SDAD1: variants seen among roughly 807,000 people sequenced by gnomAD.
The protein encoded by SDAD1 is SDA1 domain containing 1.
Under a neutral mutation model 100.3 loss-of-function variants are expected in SDAD1, and 79 were observed. The ratio of observed to expected loss-of-function variants is 0.79; its 90% CI spans 0.66 to 0.95. The LOEUF (loss-of-function observed/expected upper bound fraction) is 0.95. Among genes scored for constraint, SDAD1 ranks in the 40% least tolerant of loss-of-function variants. The pLI, the probability that SDAD1 is intolerant of heterozygous loss-of-function variation, is 0.00. For missense variants in SDAD1, 790 were observed against 810.9 expected (o/e 0.97, Z 0.31); for synonymous variants, 267 against 271.4 (o/e 0.98, Z 0.16).
At position 75,970,386 on chromosome 4, in the gene SDAD1, G is replaced by A. The variant is rs1158580193; in HGVS notation, c.814-8C>T. On this transcript the variant is annotated splice_polypyrimidine_tract_variant and splice_region_variant and intron_variant, in intron 9 of 21. Transcript: ENST00000356260. ...TTTCTTCTTTTTTTGTTTCTGAAAG[G>A]GAGAGGAAAAACATTTTCAGTCTGA... 2.5e-6 allele frequency: 4 copies of A among 1,608,238 alleles called. No individual in the cohort carries two copies. The highest frequency in any genetic ancestry group is 3.4e-6 in the Non-Finnish European group (4 of 1,175,024).
chr4:75,979,786 A>C (rs763320849), intron 3 of SDAD1, among the ~76,000 whole-genome samples: 4 of 151,966 alleles, frequency 2.6e-5, no homozygotes, highest in Non-Finnish European at 5.9e-5. Context: ...AAACCTACTA[A>C]TCATCATAAA....
chr4:75,976,514 C>T (rs1011959648), intron 4 of SDAD1, among the ~76,000 whole-genome samples: 1 of 152,102 alleles, frequency 6.6e-6, no homozygotes, highest in Non-Finnish European at 1.5e-5. Flanking sequence ...ATTTCCAAAA[C>T]ACACAAATCT....
chr4:75,987,558 G>GA (rs1400940678), intron 1 of SDAD1, among the ~76,000 whole-genome samples: 72 of 152,168 alleles, frequency 4.7e-4, no homozygotes, highest in Admixed American at 2.9e-3. Context: ...CTAGGGTGCA[G>GA]TGGCGCGATC....
intron 11 of SDAD1, among the ~76,000 whole-genome samples, chr4:75,967,810 GTGGAAGGAGTTGGGTCCAACCACA>G: frequency 1.0e-5 from 1 of 96,510 alleles, no homozygotes. Context: ...GTCCAACCAC[GTGGAAGGAGTTGGGTCCAACCACA>G]TGGAAGGAGT....
intron 21 of SDAD1, among the ~76,000 whole-genome samples, chr4:75,953,754 AAT>A (rs1354173353): frequency 6.6e-6 from 1 of 152,216 alleles, no homozygotes. Flanking sequence ...ACTGATTCAC[AAT>A]ATGAGACTGT....
Position 75,950,643 on chromosome 4 carries a change from C to A in SDAD1, c.*107G>T. 3 of 701,342 alleles carry A rather than the reference C, an allele frequency of 4.3e-6. No homozygotes were observed. Among genetic ancestry groups the A allele is most frequent in the Non-Finnish European group, 2.3e-6 (1 of 426,622 alleles). The allele number at this position is 701,342 out of a possible 1,614,324, so 43.4% of individuals were successfully genotyped here. On this transcript the variant is annotated 3_prime_UTR_variant, in exon 22 of 22. Coordinates refer to ENST00000356260, the MANE Select transcript of SDAD1 (RefSeq NM_018115.4). ...CACATGTTCAGCAGTTTTCACAATACAGTGTGTCTGGACTTTTTAATGTAA... is the reference window on the plus strand; with the variant it reads ...CACATGTTCAGCAGTTTTCACAATAAAGTGTGTCTGGACTTTTTAATGTAA...
Position 75,977,687 on chromosome 4 carries a change from A to G in SDAD1, c.364T>C (p.Phe122Leu), listed in dbSNP as rs1553920194. 5.6e-6 allele frequency: 9 copies of G among 1,613,566 alleles called. No individual in the cohort carries two copies. The highest frequency in any genetic ancestry group is 1.1e-5 in the South Asian group (1 of 90,978). The change falls in exon 4 of 22, where the codon TTC becomes CTC. Residue 122 changes from phenylalanine to leucine, a missense_variant. Physicochemically the swap from Phe to Leu is conservative, Grantham distance 22. Transcript: ENST00000356260. ...LINPSSLLEL[F>L]FELFRCHDKL... ...TCATGGCAACGAAAAAGTTCAAAGA[A>G]GAGTTCTAGCAGGCTTGATGGATTG...
At chr4:75,987,342 T>C (rs947472501) in intron 1 of SDAD1, among the ~76,000 whole-genome samples, 6 of 152,194 alleles carry the variant, frequency 3.9e-5, no homozygotes, top group African/African-American at 1.4e-4. Flanking sequence ...TCCATATAGA[T>C]GCACCTATTC....
intron 17 of SDAD1, among the ~76,000 whole-genome samples, chr4:75,959,091 C>CT (rs1729071697): frequency 5.5e-5 from 3 of 54,552 alleles, no homozygotes; most frequent in Non-Finnish European, 9.8e-5. Context: ...CAGCAAGACT[C>CT]TGTCTCAAAA....
At chr4:75,958,771 A>G (rs1729048443) in intron 17 of SDAD1, among the ~76,000 whole-genome samples, 1 of 150,924 alleles carries the variant, frequency 6.6e-6, no homozygotes, top group Admixed American at 6.6e-5. Context: ...TACCTGGCTC[A>G]TCAGTCACCA....
chr4:75,985,537 T>G (rs927429627), intron 1 of SDAD1, among the ~76,000 whole-genome samples: 4 of 152,216 alleles, frequency 2.6e-5, no homozygotes, highest in Non-Finnish European at 5.9e-5. Flanking sequence ...ATCTAAAGAC[T>G]AGAGTTATCC....
chr4:75,955,266 C>T (rs537697487), intron 21 of SDAD1, among the ~76,000 whole-genome samples: 4 of 152,332 alleles, frequency 2.6e-5, no homozygotes, highest in East Asian at 1.9e-4. Flanking sequence ...CACTAACCTA[C>T]GCCCACTCTC....
At chr4:75,955,427 C>T (rs572084473) in intron 21 of SDAD1, among the ~76,000 whole-genome samples, 1 of 152,138 alleles carries the variant, frequency 6.6e-6, no homozygotes, top group Admixed American at 6.5e-5. Context: ...AAGAAAGAGC[C>T]CCGTTGCATT....
intron 21 of SDAD1, among the ~76,000 whole-genome samples, chr4:75,952,601 C>T (rs1435673768): frequency 1.3e-5 from 2 of 152,160 alleles, no homozygotes; most frequent in Admixed American, 6.6e-5. Context: ...TTATTTAAGA[C>T]ACTGAAATAT....
intron 1 of SDAD1, 111 bp downstream of exon 1, chr4:75,990,641 A>C: frequency 6.2e-7 from 1 of 1,600,160 alleles, no homozygotes; most frequent in Non-Finnish European, 8.5e-7. Flanking sequence ...CCTGAACCTA[A>C]CAGAAGAATA....
At chr4:75,989,021 A>C (rs1023828512) in intron 1 of SDAD1, among the ~76,000 whole-genome samples, 3 of 152,194 alleles carry the variant, frequency 2.0e-5, no homozygotes, top group Admixed American at 2.0e-4. Flanking sequence ...TTCTTAAAAA[A>C]AATATGTCAG....
chr4:75,961,537 G>C (rs1443247224), intron 14 of SDAD1, among the ~76,000 whole-genome samples: 3 of 151,932 alleles, frequency 2.0e-5, no homozygotes, highest in Non-Finnish European at 4.4e-5. Context: ...AACAGTGTCC[G>C]GCACACTAAA....
intron 3 of SDAD1, 145 bp from the exon 4 acceptor site, chr4:75,977,901 A>G: frequency 3.4e-6 from 2 of 596,110 alleles, no homozygotes; most frequent in Middle Eastern, 2.8e-4. Flanking sequence ...GCCTTCATGG[A>G]GCTTACACTG....
intron 6 of SDAD1, among the ~76,000 whole-genome samples, chr4:75,975,326 T>A (rs190694697): frequency 6.6e-6 from 1 of 152,272 alleles, no homozygotes; most frequent in Non-Finnish European, 1.5e-5. Flanking sequence ...TTTATATAAA[T>A]AGGATGAATT....
Sources: allele counts gnomAD v4.1 joint callset (sites outside exome capture counted in the v4.1 genomes callset), GRCh38; gene constraint gnomAD v4.1.1; transcripts MANE v1.5; gene names NCBI Gene and HGNC (gene_info 2026-07-23, HGNC 2026-07-21).